Variants in ABCB5 observed in about 807,000 individuals in gnomAD.
The protein encoded by ABCB5 is ATP-binding cassette sub-family B member 5.
Under a neutral mutation model 144.2 loss-of-function variants are expected in ABCB5, and 155 were observed. The observed-to-expected ratio is 1.08, with a 90% confidence interval of 0.94 to 1.23. ABCB5 has a LOEUF of 1.23. Among genes scored for constraint, ABCB5 ranks in the 50% most tolerant of loss-of-function variants. The pLI is 0.00. For synonymous variants in ABCB5, 610 were observed against 528.6 expected (o/e 1.15, Z -2.11); for missense variants, 1,830 against 1,520.8 (o/e 1.20, Z -3.38).
chr7:20,671,451 C>A (rs935211817), intron 14 of ABCB5, among the ~76,000 whole-genome samples: 2 of 152,146 alleles, frequency 1.3e-5, no homozygotes, highest in African/African-American at 4.8e-5. Context: ...ACTTTTGTAA[C>A]CATTTCACCC....
Position 20,728,385 on chromosome 7 carries a change from T to A in ABCB5, c.2797T>A (p.Tyr933Asn), listed in dbSNP as rs1318000270. 6.2e-7 allele frequency: 1 copy of A among 1,614,204 alleles called. No individual in the cohort carries two copies. The highest frequency in any genetic ancestry group is 8.5e-7 in the Non-Finnish European group (1 of 1,180,024). Residue 933 changes from tyrosine to asparagine, a missense_variant, in exon 23 of 28, where the codon TAT (tyrosine) becomes AAT (asparagine). Transcript: ENST00000404938. ...AFSHAFIYFA[Y>N]AAGFRFGAYL... ...CAGCCATGCCTTTATATATTTTGCCTATGCGGCAGGGTTTCGATTTGGAGC... is the reference window on the plus strand; with the variant it reads ...CAGCCATGCCTTTATATATTTTGCCAATGCGGCAGGGTTTCGATTTGGAGC...
intron 13 of ABCB5, among the ~76,000 whole-genome samples, chr7:20,652,481 A>T (rs1479510116): frequency 1.3e-5 from 2 of 152,174 alleles, no homozygotes; most frequent in Non-Finnish European, 2.9e-5. Flanking sequence ...GAGGCAGGAG[A>T]ATCACTTGAA....
chr7:20,642,289 C>T (rs993178513), intron 5 of ABCB5, among the ~76,000 whole-genome samples: 1 of 152,186 alleles, frequency 6.6e-6, no homozygotes, highest in African/African-American at 2.4e-5. Context: ...ATGTGCTAAA[C>T]AACTTTTTTC....
chr7:20,669,100 G>A (rs1203747775), intron 14 of ABCB5, among the ~76,000 whole-genome samples: 1 of 150,962 alleles, frequency 6.6e-6, no homozygotes, highest in African/African-American at 2.4e-5. Context: ...CGGGAGGATG[G>A]TGGGGGGGGT....
intron 15 of ABCB5, 94 bp from the exon 16 acceptor site, chr7:20,685,602 C>T: frequency 1.7e-6 from 2 of 1,156,788 alleles, no homozygotes; most frequent in South Asian, 3.6e-5. Flanking sequence ...CTTTCAATAG[C>T]AAAGGCGATA....
At chr7:20,733,786 A>T (rs544073484) in intron 23 of ABCB5, among the ~76,000 whole-genome samples, 1 of 151,958 alleles carries the variant, frequency 6.6e-6, no homozygotes, top group East Asian at 1.9e-4. Flanking sequence ...CTACAGGCAC[A>T]TGTCACCACA....
At chr7:20,745,467 T>C (rs1400638257) in intron 26 of ABCB5, 29 bp downstream of exon 26, 1 of 1,610,286 alleles carries the variant, frequency 6.2e-7, no homozygotes, top group East Asian at 2.2e-5. Context: ...TCTTGAATTA[T>C]AAAGCTGCCA....
rs756915608 is a variant in ABCB5, at chr7:20,755,896, A to C, written c.*272A>C. 148 of 370,044 alleles carry C rather than the reference A, an allele frequency of 4.0e-4. No homozygotes were observed. Among genetic ancestry groups the C allele is most frequent in the Non-Finnish European group, 6.5e-4 (131 of 202,478 alleles). 22.9% of individuals were successfully genotyped at this position (370,044 alleles called of 1,614,324 possible). ...ATTTGCTTGTAAAGCAGTTTTCTAC[A>C]AGGTGAATTTATTTCCCATCAACTT... On this transcript the variant is annotated 3_prime_UTR_variant, in exon 28 of 28. Transcript: ENST00000404938.
intron 21 of ABCB5, among the ~76,000 whole-genome samples, chr7:20,724,649 A>AAAG (rs1554288700): frequency 2.2e-4 from 31 of 139,468 alleles, no homozygotes; most frequent in East Asian, 4.3e-4. Flanking sequence ...AAAAAAAAAA[A>AAAG]GGGTGTTCCT....
chr7:20,664,825 T>G (rs564619259), intron 14 of ABCB5, among the ~76,000 whole-genome samples: 25 of 152,308 alleles, frequency 1.6e-4, no homozygotes, highest in African/African-American at 5.3e-4. Flanking sequence ...GAGTGGTGGC[T>G]CACACTGTAA....
chr7:20,653,181 G>A (rs1449457091), intron 13 of ABCB5, among the ~76,000 whole-genome samples: 1 of 152,142 alleles, frequency 6.6e-6, no homozygotes, highest in East Asian at 1.9e-4. Context: ...TACCCTGTAA[G>A]TTACTACTTG....
At chr7:20,647,773 GGAAA>G (rs1376629250) in intron 10 of ABCB5, 125 bp downstream of exon 10, 3 of 1,412,492 alleles carry the variant, frequency 2.1e-6, no homozygotes, top group Non-Finnish European at 1.9e-6. Flanking sequence ...GTTGTTTATG[GGAAA>G]GAGAGACTGC....
intron 22 of ABCB5, 127 bp from the exon 23 acceptor site, chr7:20,728,188 C>A: frequency 8.9e-7 from 1 of 1,120,014 alleles, no homozygotes; most frequent in Non-Finnish European, 1.2e-6. Context: ...TCTCTTTCAT[C>A]ATTCGAAAAA....
rs772315068 is a variant in ABCB5, at chr7:20,723,049, A to C, written c.2455A>C (p.Asn819His). Reference protein sequence around the residue: ...TGSRIGVLTQNATNMGLSVII... With the variant: ...TGSRIGVLTQHATNMGLSVII... ...TTCCAGGATTGGCGTCTTAACACAA[A>C]ATGCAACTAACATGGGACTTTCAGT... Residue 819 changes from asparagine to histidine, a missense_variant, in exon 21 of 28, where the codon AAT becomes CAT. By Grantham distance (68) the Asn-to-His change is moderately conservative (BLOSUM62 1). Coordinates refer to ENST00000404938, the MANE Select transcript of ABCB5 (RefSeq NM_001163941.2). 4 of 1,614,162 alleles carry C rather than the reference A, an allele frequency of 2.5e-6. No individual in the cohort carries two copies. Among genetic ancestry groups the C allele is most frequent in the South Asian group, 2.2e-5 (2 of 91,078 alleles).
intron 19 of ABCB5, among the ~76,000 whole-genome samples, chr7:20,702,921 C>T (rs1045157237): frequency 6.6e-6 from 1 of 151,186 alleles, no homozygotes; most frequent in Admixed American, 6.6e-5. Flanking sequence ...CGTGATCCAC[C>T]CATCTTGGCC....
intron 14 of ABCB5, among the ~76,000 whole-genome samples, chr7:20,664,601 A>G (rs1316504308): frequency 6.6e-6 from 1 of 152,230 alleles, no homozygotes; most frequent in Non-Finnish European, 1.5e-5. Context: ...AGTGCTATCA[A>G]ATAAGTGATC....
intron 14 of ABCB5, chr7:20,667,664 C>A (rs1439061540): frequency 1.7e-6 from 1 of 595,968 alleles, no homozygotes. Context: ...AAATAACATT[C>A]GCCTCTGCCC....
At chr7:20,687,882 C>T (rs539601398) in intron 16 of ABCB5, among the ~76,000 whole-genome samples, 1 of 152,016 alleles carries the variant, frequency 6.6e-6, no homozygotes, top group East Asian at 1.9e-4. Flanking sequence ...AAGAACCCAT[C>T]TCTGAAATAA....
chr7:20,671,273 G>T (rs1313538933), intron 14 of ABCB5, among the ~76,000 whole-genome samples: 1 of 152,072 alleles, frequency 6.6e-6, no homozygotes, highest in East Asian at 1.9e-4. Flanking sequence ...ATGACCAACT[G>T]GGCTGCTGAA....
Sources: gnomAD v4.1 joint callset for allele counts (sites outside exome capture counted in the v4.1 genomes callset) on GRCh38, gnomAD v4.1.1 for gene constraint, MANE v1.5 for transcripts, NCBI Gene and HGNC (gene_info 2026-07-23, HGNC 2026-07-21) for gene names.